LUZP2: variants seen among roughly 807,000 people sequenced by gnomAD.
LUZP2 encodes the protein leucine zipper protein 2.
Under a neutral mutation model 51.6 loss-of-function variants are expected in LUZP2, and 52 were observed. The observed-to-expected ratio is 1.01, with a 90% CI of 0.81 to 1.27. LUZP2 has a LOEUF of 1.27. Ranked by LOEUF, LUZP2 falls within the 50% of genes most tolerant of loss-of-function variation. LUZP2 has a pLI of 0.00. For missense variants in LUZP2, 436 were observed against 395.4 expected (o/e 1.10, Z -0.87); for synonymous variants, 154 against 137.3 (o/e 1.12, Z -0.85).
chr11:25,012,721 C>T (rs1857019903), intron 9 of LUZP2, among the ~76,000 whole-genome samples: 1 of 152,076 alleles, frequency 6.6e-6, no homozygotes, highest in African/African-American at 2.4e-5. Flanking sequence ...CAAAAAATAA[C>T]TAATAGATGC....
intron 5 of LUZP2, among the ~76,000 whole-genome samples, chr11:24,788,665 T>TTGAAAATAA (rs1849318207): frequency 6.6e-6 from 1 of 151,520 alleles, no homozygotes; most frequent in Non-Finnish European, 1.5e-5. Context: ...ATATAAATAC[T>TTGAAAATAA]ATTTATTTTC....
chr11:24,553,355 G>A (rs1168282698), intron 1 of LUZP2, among the ~76,000 whole-genome samples: 1 of 151,790 alleles, frequency 6.6e-6, no homozygotes, highest in Non-Finnish European at 1.5e-5. Context: ...AAAACTAAGG[G>A]TAAAAAGTAA....
intron 1 of LUZP2, among the ~76,000 whole-genome samples, chr11:24,660,014 C>T (rs4320951): frequency 0.19 from 28,669 of 151,842 alleles, 2,811 homozygotes; most frequent in East Asian, 0.34. Context: ...CTAGGTGGAC[C>T]GGGTCTAATC....
chr11:24,658,278 A>G (rs1213583056), intron 1 of LUZP2, among the ~76,000 whole-genome samples: 1 of 152,224 alleles, frequency 6.6e-6, no homozygotes, highest in Non-Finnish European at 1.5e-5. Context: ...CCGCCTATCT[A>G]CAACTATCTG....
At chr11:24,509,110 G>T (rs12292905) in intron 1 of LUZP2, among the ~76,000 whole-genome samples, 5,423 of 152,250 alleles carry the variant, frequency 0.036, 241 homozygotes, top group African/African-American at 0.099. Flanking sequence ...TCAGTGCACA[G>T]TAGGTTCTTG....
intron 1 of LUZP2, among the ~76,000 whole-genome samples, chr11:24,675,915 T>C (rs1856533614): frequency 6.6e-6 from 1 of 151,946 alleles, no homozygotes; most frequent in African/African-American, 2.4e-5. Context: ...CCCTCCCGGG[T>C]TGAAGTGATT....
intron 1 of LUZP2, among the ~76,000 whole-genome samples, chr11:24,619,096 G>T (rs185803168): frequency 6.6e-6 from 1 of 151,758 alleles, no homozygotes; most frequent in Non-Finnish European, 1.5e-5. Flanking sequence ...TGGCATGATC[G>T]TAGCTCACTG....
chr11:24,612,674 T>C (rs764251160), intron 1 of LUZP2, among the ~76,000 whole-genome samples: 1 of 152,102 alleles, frequency 6.6e-6, no homozygotes, highest in Non-Finnish European at 1.5e-5. Context: ...GAACATTTGA[T>C]TCTTATGTTT....
chr11:24,861,789 G>A (rs1288239885), intron 5 of LUZP2, among the ~76,000 whole-genome samples: 1 of 152,200 alleles, frequency 6.6e-6, no homozygotes, highest in African/African-American at 2.4e-5. Flanking sequence ...AGCAGTCACA[G>A]TAGAATCGCT....
At chr11:24,662,461 A>G (rs1380454614) in intron 1 of LUZP2, among the ~76,000 whole-genome samples, 1 of 152,138 alleles carries the variant, frequency 6.6e-6, no homozygotes, top group Non-Finnish European at 1.5e-5. Flanking sequence ...GTCCAAACTA[A>G]TATCTCTCCC....
At chr11:24,654,788 G>T (rs1178615146) in intron 1 of LUZP2, among the ~76,000 whole-genome samples, 1 of 151,440 alleles carries the variant, frequency 6.6e-6, no homozygotes, top group South Asian at 2.1e-4. Flanking sequence ...GCCTCCAAAA[G>T]TGCTGGGATT....
At chr11:24,553,616 A>C (rs1419425744) in intron 1 of LUZP2, among the ~76,000 whole-genome samples, 4 of 152,080 alleles carry the variant, frequency 2.6e-5, no homozygotes, top group African/African-American at 4.8e-5. Flanking sequence ...TCAAATGATA[A>C]GCTGATGTTT....
chr11:24,802,173 T>C (rs1233996251), intron 5 of LUZP2, among the ~76,000 whole-genome samples: 4 of 152,096 alleles, frequency 2.6e-5, no homozygotes, highest in Non-Finnish European at 5.9e-5. Flanking sequence ...TCATACAATA[T>C]GCAGTCTATT....
chr11:25,042,375 C>G (rs1282123205), intron 9 of LUZP2, among the ~76,000 whole-genome samples: 1 of 151,814 alleles, frequency 6.6e-6, no homozygotes, highest in African/African-American at 2.4e-5. Flanking sequence ...TTTTGAGTAC[C>G]ATTTAAAAGA....
chr11:24,538,086 G>T (rs188812413), intron 1 of LUZP2, among the ~76,000 whole-genome samples: 1 of 151,682 alleles, frequency 6.6e-6, no homozygotes, highest in Non-Finnish European at 1.5e-5. Flanking sequence ...TGCACACACC[G>T]CAAGATGTGA....
At chr11:24,962,370 G>A (rs1227189412) in intron 7 of LUZP2, among the ~76,000 whole-genome samples, 2 of 152,058 alleles carry the variant, frequency 1.3e-5, no homozygotes, top group African/African-American at 2.4e-5. Context: ...TTTCCAACTT[G>A]GTTCCATTCT....
chr11:25,066,563 A>G (rs904951124), intron 10 of LUZP2, among the ~76,000 whole-genome samples: 2 of 151,948 alleles, frequency 1.3e-5, no homozygotes, highest in Non-Finnish European at 2.9e-5. Context: ...CTTAAGTGTT[A>G]TTTAGCTAAA....
At chr11:25,041,947 CTT>C (rs374572153) in intron 9 of LUZP2, among the ~76,000 whole-genome samples, 345 of 152,262 alleles carry the variant, frequency 2.3e-3, no homozygotes, top group African/African-American at 7.9e-3. Flanking sequence ...GTTATGTGCT[CTT>C]TATGAAAATC....
intron 9 of LUZP2, among the ~76,000 whole-genome samples, chr11:24,989,166 AG>A (rs1319169211): frequency 6.6e-6 from 1 of 151,946 alleles, no homozygotes; most frequent in Non-Finnish European, 1.5e-5. Flanking sequence ...ATCGTATAAA[AG>A]TCATCCATCA....
Sources: allele counts gnomAD v4.1 joint callset (sites outside exome capture counted in the v4.1 genomes callset), GRCh38; gene constraint gnomAD v4.1.1; transcripts MANE v1.5; gene names NCBI Gene and HGNC (gene_info 2026-07-23, HGNC 2026-07-21).